TRAPPC12: variants seen among roughly 807,000 people sequenced by gnomAD.
TRAPPC12 encodes the protein TPR repeat protein 15.
A neutral mutation model predicts 69.2 loss-of-function variants in TRAPPC12; 61 were observed. The observed-to-expected ratio is 0.88, with a 90% confidence interval of 0.72 to 1.09. The LOEUF is 1.09. TRAPPC12 is among the 50% of genes least tolerant of loss of function. TRAPPC12 has a pLI of 0.00. For missense variants in TRAPPC12, 1,101 were observed against 1,016.4 expected, an observed-to-expected ratio of 1.08 and a Z score of -1.13; for synonymous variants, 469 against 438.9, an observed-to-expected ratio of 1.07 and a Z score of -0.86.
At chr2:3,473,739 G>A (rs1340767377) in intron 9 of TRAPPC12, among the ~76,000 whole-genome samples, 1 of 152,198 alleles carries the variant, frequency 6.6e-6, no homozygotes, top group Admixed American at 6.5e-5. Context: ...CCAAAGTGCT[G>A]GGATTACAGG....
chr2:3,413,414 T>C (rs1323625013), intron 3 of TRAPPC12, among the ~76,000 whole-genome samples: 1 of 152,242 alleles, frequency 6.6e-6, no homozygotes, highest in East Asian at 1.9e-4. Context: ...TAGAGTGTCA[T>C]TCGGCCAGTT....
rs753982817 is a variant in TRAPPC12 at position 3,388,402 on chromosome 2, C to A, written c.779C>A (p.Pro260His). The change falls in exon 2 of 12, where the codon CCC (proline) becomes CAC (histidine). Residue 260 changes from proline (P) to histidine (H), a missense_variant. By Grantham distance (77) the Pro-to-His change is moderately conservative (BLOSUM62 -2). Coordinates refer to ENST00000324266, the MANE Select transcript of TRAPPC12 (RefSeq NM_016030.6). ...PLAVPGTEGR[P>H]EPVAMRGPQA... is the part of the protein sequence containing the mutation. Reference sequence around the variant, plus strand: ...GCTGTGCCCGGGACCGAGGGGCGCCCCGAACCCGTGGCCATGCGAGGGCCC... The same window carrying A: ...GCTGTGCCCGGGACCGAGGGGCGCCACGAACCCGTGGCCATGCGAGGGCCC... 7 of 1,603,730 alleles carry A rather than the reference C, an allele frequency of 4.4e-6. No homozygotes were observed. The highest frequency in any genetic ancestry group is 6.0e-6 in the Non-Finnish European group (7 of 1,175,170).
intron 1 of TRAPPC12, among the ~76,000 whole-genome samples, chr2:3,384,678 A>G (rs1042824815): frequency 4.6e-5 from 7 of 152,222 alleles, no homozygotes; most frequent in African/African-American, 1.2e-4. Flanking sequence ...TAATATTTCA[A>G]GATTTTTGCA....
chr2:3,435,001 A>T (rs954621567), intron 5 of TRAPPC12, among the ~76,000 whole-genome samples: 1 of 152,284 alleles, frequency 6.6e-6, no homozygotes, highest in Admixed American at 6.5e-5. Flanking sequence ...CAGAAGTTCC[A>T]GTTACTGTGG....
chr2:3,444,402 C>A (rs1664399116), intron 6 of TRAPPC12, among the ~76,000 whole-genome samples: 1 of 152,252 alleles, frequency 6.6e-6, no homozygotes, highest in African/African-American at 2.4e-5. Flanking sequence ...GTTGTGAAGT[C>A]ACAGTTAATG....
intron 6 of TRAPPC12, among the ~76,000 whole-genome samples, chr2:3,453,372 C>A (rs1395799774): frequency 2.0e-5 from 3 of 152,216 alleles, no homozygotes; most frequent in Admixed American, 1.3e-4. Flanking sequence ...CCTCCAACAC[C>A]CGGCCCTTTC....
At chr2:3,408,684 T>C (rs1661866495) in intron 3 of TRAPPC12, among the ~76,000 whole-genome samples, 1 of 152,258 alleles carries the variant, frequency 6.6e-6, no homozygotes, top group South Asian at 2.1e-4. Context: ...TGTATAACTT[T>C]TGACTCAACA....
chr2:3,460,809 A>C (rs1251678789), intron 8 of TRAPPC12: 1 of 156,696 alleles, frequency 6.4e-6, no homozygotes, highest in Non-Finnish European at 1.4e-5. Context: ...TTAGAAATCA[A>C]GGAGCTGAAC....
In TRAPPC12 at chr2:3,424,550, T is replaced by A; in HGVS notation, c.1304T>A (p.Leu435Gln). ...LQLWFVRLAL[L>Q]VKLGLFQNAE... Reference sequence around the variant, plus strand: ...CTCTGGTTTGTCAGGCTGGCACTACTAGTGAAGTTGGGCCTTTTCCAGAAT... The same window carrying A: ...CTCTGGTTTGTCAGGCTGGCACTACAAGTGAAGTTGGGCCTTTTCCAGAAT... Residue 435 changes from leucine to glutamine, a missense_variant, in exon 5 of 12, where the codon CTA becomes CAA. Coordinates refer to ENST00000324266, the MANE Select transcript of TRAPPC12 (RefSeq NM_016030.6). 1 of 1,613,758 alleles carries A rather than the reference T, an allele frequency of 6.2e-7. No homozygotes were observed. Among genetic ancestry groups the A allele is most frequent in the Non-Finnish European group, 8.5e-7 (1 of 1,179,926 alleles).
chr2:3,414,055 CT>C lies in TRAPPC12; in HGVS notation c.1165-7821del, dbSNP rs1401239960. On this transcript the variant is annotated intron_variant, in intron 3 of 11. Transcript: ENST00000324266. This position sits in a 1 kb window ranked among gnomAD's most constrained non-coding sequence, Gnocchi z 4.9. ...TTGTTCACTAAGCCAGCTCAGTATC[CT>C]TTTTATTCACGTAATACCCCCCAAA... 4.6e-5 allele frequency among the ~76,000 whole-genome samples: 7 copies of C among 152,066 alleles called. No homozygotes were observed. The highest frequency in any genetic ancestry group is 7.2e-5 in the African/African-American group (3 of 41,390).
At chr2:3,470,254 G>A (rs568576014) in intron 9 of TRAPPC12, among the ~76,000 whole-genome samples, 10 of 152,362 alleles carry the variant, frequency 6.6e-5, no homozygotes, top group Admixed American at 1.3e-4. Flanking sequence ...GCTTCTCTGC[G>A]GAGAAGGCAG....
In TRAPPC12 at chr2:3,477,685, G is replaced by T. The variant is rs1346127887; in HGVS notation, c.1777-10G>T. 1.3e-6 allele frequency: 2 copies of T among 1,583,000 alleles called. No individual in the cohort carries two copies. The highest frequency in any genetic ancestry group is 2.3e-5 in the South Asian group (2 of 86,850). On this transcript the variant is annotated splice_polypyrimidine_tract_variant and intron_variant, in intron 9 of 11. Transcript: ENST00000324266. ...TTGTCAACTAAACTGACTAAATTTT[G>T]TCAAAGCAGATTGGAGACATAAAAA... is the stretch of plus-strand genomic sequence containing the variant.
chr2:3,411,117 T>G (rs895394158), intron 3 of TRAPPC12, among the ~76,000 whole-genome samples: 1 of 152,246 alleles, frequency 6.6e-6, no homozygotes, highest in Non-Finnish European at 1.5e-5. Context: ...ATTCCATATC[T>G]ACTGTATCAA....
intron 5 of TRAPPC12, among the ~76,000 whole-genome samples, chr2:3,440,033 G>A (rs1664111810): frequency 6.6e-6 from 1 of 151,910 alleles, no homozygotes; most frequent in Non-Finnish European, 1.5e-5. Flanking sequence ...TTCTGCTCTG[G>A]GCCACTGATC....
intron 1 of TRAPPC12, 63 bp from the exon 2 acceptor site, chr2:3,387,557 C>A: frequency 7.1e-6 from 9 of 1,264,502 alleles, no homozygotes; most frequent in South Asian, 3.1e-5. Context: ...AAGCAATACT[C>A]ATTTTTCGGT....
chr2:3,412,531 A>T (rs1425009590), intron 3 of TRAPPC12, among the ~76,000 whole-genome samples: 2 of 152,242 alleles, frequency 1.3e-5, no homozygotes, highest in African/African-American at 4.8e-5. Context: ...ACCGCACTCC[A>T]GCCTGGGTGA....
At chr2:3,391,722 G>A (rs1179467938) in intron 2 of TRAPPC12, among the ~76,000 whole-genome samples, 2 of 152,116 alleles carry the variant, frequency 1.3e-5, no homozygotes, top group Non-Finnish European at 2.9e-5. Context: ...GGATGTGTGG[G>A]ATTGGATTTA....
intron 3 of TRAPPC12, among the ~76,000 whole-genome samples, chr2:3,405,128 T>G (rs968747116): frequency 6.7e-5 from 10 of 148,568 alleles, no homozygotes; most frequent in Non-Finnish European, 1.5e-4. Context: ...GGCAGAGCAT[T>G]TCAGCAGGGT....
chr2:3,382,197 C>T (rs990470027), intron 1 of TRAPPC12, among the ~76,000 whole-genome samples: 2 of 143,396 alleles, frequency 1.4e-5, no homozygotes, highest in African/African-American at 2.6e-5. Context: ...TGCAGTGGCA[C>T]GATCTTGGCT....
Sources: allele counts gnomAD v4.1 joint callset (sites outside exome capture counted in the v4.1 genomes callset), GRCh38; gene constraint gnomAD v4.1.1; non-coding constraint Gnocchi (gnomAD v3.1); transcripts MANE v1.5; gene names NCBI Gene and HGNC (gene_info 2026-07-23, HGNC 2026-07-21).